UPF2: variants seen among roughly 807,000 people sequenced by gnomAD.
UPF2 encodes regulator of nonsense transcripts 2.
In UPF2, 17 loss-of-function variants were observed where a neutral mutation model predicts 141.4. The ratio of observed to expected loss-of-function variants is 0.12; its 90% CI spans 0.08 to 0.18. The LOEUF is 0.18. UPF2 is among the 10% of genes least tolerant of loss of function. UPF2 has a pLI of 1.00. For synonymous variants in UPF2, 540 were observed against 498.0 expected (o/e 1.08, Z -1.12); for missense variants, 1,152 against 1,515.9 (o/e 0.76, Z 3.99).
Position 12,028,766 on chromosome 10 carries a change from T to C in UPF2, c.1124A>G (p.Gln375Arg). Residue 375 changes from glutamine (Q) to arginine (R), a missense_variant, in exon 3 of 22, where the codon CAG becomes CGG. By Grantham distance (43) the Gln-to-Arg change is conservative. Around this residue, in one of 4 missense-constraint regions of UPF2, gnomAD observed 739 missense variants for 1,032.2 expected, o/e 0.72. Transcript: ENST00000357604. ...KHLKRDHREL[Q>R]NTERQNRRIL... ...TCACCTGTTTTGTCTCTCAGTATTCTGGAGCTCCCTGTGGTCCCTTTTCAG... is the reference window on the plus strand; with the variant it reads ...TCACCTGTTTTGTCTCTCAGTATTCCGGAGCTCCCTGTGGTCCCTTTTCAG... 1 of 1,602,970 alleles carries C rather than the reference T, an allele frequency of 6.2e-7. No homozygotes were observed. Among genetic ancestry groups the C allele is most frequent in the South Asian group, 1.1e-5 (1 of 88,926 alleles).
chr10:12,009,931 A>T (rs764314628), intron 4 of UPF2, among the ~76,000 whole-genome samples: 1 of 152,164 alleles, frequency 6.6e-6, no homozygotes, highest in Non-Finnish European at 1.5e-5. Flanking sequence ...GAGACTGGGA[A>T]AATAACTACT....
chr10:11,984,656 T>C (rs953565467), intron 8 of UPF2, among the ~76,000 whole-genome samples: 1 of 151,836 alleles, frequency 6.6e-6, no homozygotes, highest in Non-Finnish European at 1.5e-5. Context: ...CTTCATTTTC[T>C]TCTAAGTGGC....
rs111475822 is a variant in UPF2, at chr10:11,951,811, G to GT, written c.3034+254dup. On this transcript the variant is annotated intron_variant, in intron 15 of 21. Coordinates refer to ENST00000357604, the MANE Select transcript of UPF2 (RefSeq NM_015542.4). ...GTAAGAGAGGTAGACAGGATTGTGG[G>GT]TTTTTTTTCCCCCATCACTGTCACC... is the stretch of plus-strand genomic sequence containing the variant. 2.9e-3 allele frequency among the ~76,000 whole-genome samples: 437 copies of GT among 152,074 alleles called. 2 individuals are homozygous for GT. Among genetic ancestry groups the GT allele is most frequent in the African/African-American group, 1.0e-2 (413 of 41,474 alleles).
Position 12,035,440 on chromosome 10 carries a change from A to G in UPF2, c.-17T>C. The G allele has an allele frequency of 1.3e-6, 2 of 1,531,488 alleles. No homozygotes were observed. Among genetic ancestry groups the G allele is most frequent in the South Asian group, 2.6e-5 (2 of 76,148 alleles). 94.9% of individuals were successfully genotyped at this position (1,531,488 alleles called of 1,614,324 possible). On this transcript the variant is annotated splice_region_variant and 5_prime_UTR_variant, in exon 2 of 22. Transcript: ENST00000357604. The stretch of plus-strand genomic sequence containing the variant: ...AGCTGGCATTATGTGACCCAGGACA[A>G]TCTGTAAGAGGGAAAGAATGTCAGT...
chr10:11,987,313 C>A (rs1833709021), intron 8 of UPF2, among the ~76,000 whole-genome samples: 1 of 152,194 alleles, frequency 6.6e-6, no homozygotes, highest in Non-Finnish European at 1.5e-5. Context: ...TGGACCCTTG[C>A]ACTTAAACTT....
intron 8 of UPF2, among the ~76,000 whole-genome samples, chr10:11,985,321 T>C (rs1237927557): frequency 6.6e-6 from 1 of 152,158 alleles, no homozygotes; most frequent in Non-Finnish European, 1.5e-5. Context: ...TATATAGTTA[T>C]TCAACGTTAG....
chr10:11,996,120 G>T (rs974238753), intron 8 of UPF2, among the ~76,000 whole-genome samples: 1 of 151,992 alleles, frequency 6.6e-6, no homozygotes, highest in African/African-American at 2.4e-5. Flanking sequence ...GTTCACCCCT[G>T]TACTGTATCT....
chr10:12,023,755 C>G (rs947717551), intron 3 of UPF2, among the ~76,000 whole-genome samples: 12 of 150,434 alleles, frequency 8.0e-5, no homozygotes, highest in Admixed American at 2.7e-4. Flanking sequence ...CTGTGGGAGG[C>G]TCAGGCAGGC....
chr10:11,952,296 A>G (rs1236977733), intron 14 of UPF2, 47 bp from the exon 15 acceptor site: 1 of 1,449,594 alleles, frequency 6.9e-7, no homozygotes, highest in Admixed American at 2.4e-5. Context: ...ATTAGTAACA[A>G]AATATTTTAA....
In UPF2 at chr10:12,042,472, G is replaced by A. The variant is rs984664661; in HGVS notation, c.-19+283C>T. ...CTCCACCGCGGGCTCCCCGCCTCCA[G>A]TCTCGAGGCCCGGCCCAGGCATGTG... On this transcript the variant is annotated intron_variant, in intron 1 of 21. Coordinates refer to ENST00000357604, the MANE Select transcript of UPF2 (RefSeq NM_015542.4). The surrounding 1 kb of genome is among the most constrained non-coding windows in gnomAD (Gnocchi z 5.5). Among the ~76,000 whole-genome samples, 2 of 152,066 alleles carry A rather than the reference G, an allele frequency of 1.3e-5. No individual in the cohort carries two copies. Among genetic ancestry groups the A allele is most frequent in the African/African-American group, 4.8e-5 (2 of 41,424 alleles).
chr10:12,040,017 T>C (rs1046577586), intron 1 of UPF2, among the ~76,000 whole-genome samples: 24 of 152,342 alleles, frequency 1.6e-4, no homozygotes, highest in Non-Finnish European at 3.4e-4. Flanking sequence ...AAGATCATCA[T>C]TTATTAGTTC....
chr10:12,007,124 G>C (rs1834047523), intron 4 of UPF2, among the ~76,000 whole-genome samples: 1 of 152,096 alleles, frequency 6.6e-6, no homozygotes, highest in Non-Finnish European at 1.5e-5. Flanking sequence ...ATATTAATCA[G>C]GTGTTAAAAG....
rs1834187033 is a variant in UPF2, at chr10:12,014,608, T to C, written c.1146-424A>G. ...CATGATTTGAATCAGAAATATCATA[T>C]TTAACAATATATCACAAAATAATCA... On this transcript the variant is annotated intron_variant, in intron 3 of 21. Coordinates refer to ENST00000357604, the MANE Select transcript of UPF2 (RefSeq NM_015542.4). This position sits in a 1 kb window ranked among gnomAD's most constrained non-coding sequence, Gnocchi z 5.0. 6.6e-6 allele frequency among the ~76,000 whole-genome samples: 1 copy of C among 152,226 alleles called. No homozygotes were observed.
At chr10:12,041,083 G>A (rs1042681855) in intron 1 of UPF2, among the ~76,000 whole-genome samples, 1 of 152,074 alleles carries the variant, frequency 6.6e-6, no homozygotes, top group South Asian at 2.1e-4. Context: ...TACAAACACC[G>A]TGATTCACCT....
At position 11,934,738 on chromosome 10, in the gene UPF2, C is replaced by T. The variant is rs567843580; in HGVS notation, c.3546+1807G>A. On this transcript the variant is annotated intron_variant, in intron 19 of 21. Coordinates refer to ENST00000357604, the MANE Select transcript of UPF2 (RefSeq NM_015542.4). The stretch of plus-strand genomic sequence containing the variant: ...CTGAGTAGCTGGGATTACAGGCACA[C>T]GCCACCAAGCCTGGCTAATTTTTGT... Among the ~76,000 whole-genome samples the T allele has an allele frequency of 6.6e-4, 101 of 152,258 alleles. No homozygotes were observed. The South Asian group carries it at 0.011, about 17-fold the overall frequency.
At position 12,011,663 on chromosome 10, in the gene UPF2, T is replaced by C. The variant is rs191550602; in HGVS notation, c.1306+2361A>G. Among the ~76,000 whole-genome samples, 241 of 150,826 alleles carry C rather than the reference T, an allele frequency of 1.6e-3. 1 individual carries two copies. Among genetic ancestry groups the C allele is most frequent in the African/African-American group, 5.4e-3 (223 of 41,116 alleles). Reference sequence around the variant, plus strand: ...ATGTCTAAAAATACATTTAAAGTCATGACAGGGCGCAGTGGCTCACACCTG... The same window carrying C: ...ATGTCTAAAAATACATTTAAAGTCACGACAGGGCGCAGTGGCTCACACCTG... On this transcript the variant is annotated intron_variant, in intron 4 of 21. Transcript: ENST00000357604.
intron 6 of UPF2, 28 bp downstream of exon 6, chr10:12,001,648 A>G (rs1833954415): frequency 1.3e-6 from 2 of 1,575,246 alleles, no homozygotes; most frequent in South Asian, 2.4e-5. Flanking sequence ...ACCAATTAAA[A>G]ATGAAAGTTG....
chr10:12,024,200 G>A (rs946807902), intron 3 of UPF2, among the ~76,000 whole-genome samples: 3 of 151,762 alleles, frequency 2.0e-5, no homozygotes, highest in African/African-American at 7.3e-5. Flanking sequence ...GCTCACACTT[G>A]TAAACCCAGA....
In UPF2 at chr10:11,943,146, T is replaced by A. The variant is rs1832956879; in HGVS notation, c.3197A>T (p.Asp1066Val). The A allele has an allele frequency of 1.2e-6, 2 of 1,610,734 alleles. No homozygotes were observed. Among genetic ancestry groups the A allele is most frequent in the Non-Finnish European group, 1.7e-6 (2 of 1,178,936 alleles). ...EEEEGSDNDDDEGEEEEEENT... is the reference protein window; with the variant it reads ...EEEEGSDNDDVEGEEEEEENT... The stretch of plus-strand genomic sequence containing the variant: ...CTCTTCCTCCTCTTCTTCTCCCTCA[T>A]CATCATCATTATCAGAACCCTCCTG... The change falls in exon 17 of 22, where the codon GAT becomes GTT. Residue 1066 changes from aspartate (D) to valine (V), a missense_variant. Asp to Val is a radical substitution (Grantham distance 152). Around this residue, in one of 4 missense-constraint regions of UPF2, gnomAD observed 202 missense variants for 223.6 expected, o/e 0.90. Coordinates refer to ENST00000357604, the MANE Select transcript of UPF2 (RefSeq NM_015542.4).
Sources: gnomAD v4.1 joint callset for allele counts (sites outside exome capture counted in the v4.1 genomes callset) on GRCh38, gnomAD v4.1.1 for gene constraint, gnomAD v4.1.1 regional missense constraint, Gnocchi (gnomAD v3.1) non-coding constraint, MANE v1.5 for transcripts, NCBI Gene and HGNC (gene_info 2026-07-23, HGNC 2026-07-21) for gene names.